EFCAB3: variants seen among roughly 807,000 people sequenced by gnomAD.
EFCAB3 encodes EF-hand calcium-binding domain-containing protein 3.
In EFCAB3, 36 loss-of-function variants were observed where a neutral mutation model predicts 42.2. The ratio of observed to expected loss-of-function variants is 0.85; its 90% CI spans 0.65 to 1.13. EFCAB3 has a LOEUF of 1.13. Among genes scored for constraint, EFCAB3 ranks in the 50% most tolerant of loss-of-function variants. EFCAB3 has a pLI of 0.00. For missense variants in EFCAB3, 418 were observed against 505.1 expected (o/e 0.83, Z 1.65); for synonymous variants, 170 against 172.8 (o/e 0.98, Z 0.13).
At chr17:62,391,560 G>T (rs970137226) in intron 3 of EFCAB3, among the ~76,000 whole-genome samples, 8 of 152,120 alleles carry the variant, frequency 5.3e-5, no homozygotes, top group African/African-American at 1.9e-4. Context: ...CATATTCACT[G>T]GTTAAGGGAT....
At position 62,406,674 on chromosome 17, in the gene EFCAB3, G is replaced by C; in HGVS notation, c.682+1G>C. The C allele has an allele frequency of 6.2e-7, 1 of 1,613,836 alleles. No homozygotes were observed. Among genetic ancestry groups the C allele is most frequent in the Non-Finnish European group, 8.5e-7 (1 of 1,179,818 alleles). On this transcript the variant is annotated splice_donor_variant, in intron 7 of 9. Coordinates refer to ENST00000305286, the MANE Select transcript of EFCAB3 (RefSeq NM_173503.4). LOFTEE classifies it high-confidence loss of function. ...TTTAAATTTCTTGAAGAGCTCAAGA[G>C]TAAGAGCCATTTGTTCTCTCTCTAC...
chr17:62,382,002 G>T, intron 1 of EFCAB3: 1 of 246,338 alleles, frequency 4.1e-6, no homozygotes. Context: ...ATGGGATTTG[G>T]TCTCTTTTAT....
At position 62,391,888 on chromosome 17, in the gene EFCAB3, T is replaced by A. The variant is rs767702832; in HGVS notation, c.218T>A (p.Met73Lys). Reference protein sequence around the residue: ...KTGCIDFHGLMCTVAKLGMNL... With the variant: ...KTGCIDFHGLKCTVAKLGMNL... ...GGCTGTATTGATTTCCATGGACTGA[T>A]GTGCACTGTAGCTAAGCTGGGAATG... The change falls in exon 4 of 10, where the codon ATG (methionine) becomes AAG (lysine). Residue 73 changes from methionine to lysine, a missense_variant. Physicochemically the swap from Met to Lys is moderately conservative, Grantham distance 95. Transcript: ENST00000305286. 6.2e-7 allele frequency: 1 copy of A among 1,613,926 alleles called. No homozygotes were observed. The highest frequency in any genetic ancestry group is 1.1e-5 in the South Asian group (1 of 91,064).
intron 8 of EFCAB3, among the ~76,000 whole-genome samples, chr17:62,412,142 A>C (rs1295866549): frequency 6.6e-6 from 1 of 151,780 alleles, no homozygotes; most frequent in African/African-American, 2.4e-5. Context: ...TTTGGAGGCC[A>C]AGGCAGGCGG....
upstream of EFCAB3, chr17:62,378,019 G>A: frequency 6.5e-7 from 1 of 1,549,146 alleles, no homozygotes. Flanking sequence ...GATATTAAAG[G>A]TGAGTGTGAA....
intron 6 of EFCAB3, among the ~76,000 whole-genome samples, chr17:62,395,417 G>A (rs936923847): frequency 6.6e-6 from 1 of 152,160 alleles, no homozygotes; most frequent in East Asian, 1.9e-4. Context: ...CCACCTAAGG[G>A]CCCCACTGAG....
At chr17:62,380,418 A>ATAC (rs1487546374), upstream of EFCAB3, 2 of 213,016 alleles carry the variant, frequency 9.4e-6, no homozygotes, top group African/African-American at 4.7e-5. Flanking sequence ...ATACCCTCAT[A>ATAC]TACACCAAGG....
intron 5 of EFCAB3, 78 bp from the exon 6 acceptor site, chr17:62,394,990 T>G (rs2070336432): frequency 6.6e-6 from 10 of 1,523,546 alleles, no homozygotes; most frequent in South Asian, 1.2e-5. Flanking sequence ...ATTATTATTG[T>G]AAATAATCAG....
chr17:62,390,896 G>A (rs78479971), intron 3 of EFCAB3, among the ~76,000 whole-genome samples: 3,290 of 152,144 alleles, frequency 0.022, 141 homozygotes, highest in African/African-American at 0.074. Flanking sequence ...GGTTTATTTC[G>A]TCATTCTCTA....
chr17:62,389,042 G>A (rs2070280215), intron 3 of EFCAB3, among the ~76,000 whole-genome samples: 1 of 152,202 alleles, frequency 6.6e-6, no homozygotes, highest in Non-Finnish European at 1.5e-5. Flanking sequence ...AAGCATGTGG[G>A]GCCACAAGAG....
chr17:62,387,546 C>A, intron 3 of EFCAB3, 130 bp downstream of exon 3: 6 of 720,116 alleles, frequency 8.3e-6, no homozygotes, highest in South Asian at 2.1e-5. Context: ...GGAAAAAAAA[C>A]CTTACATTTT....
intron 8 of EFCAB3, among the ~76,000 whole-genome samples, chr17:62,410,829 G>A (rs1598022177): frequency 6.6e-6 from 1 of 152,098 alleles, no homozygotes; most frequent in East Asian, 1.9e-4. Context: ...ATCCCTGGAA[G>A]TAAGCAACTG....
chr17:62,376,126 A>C (rs1218670233), upstream of EFCAB3, among the ~76,000 whole-genome samples: 1 of 152,184 alleles, frequency 6.6e-6, no homozygotes, highest in Admixed American at 6.5e-5. Context: ...AGAAATTTCA[A>C]ATACTGGTTT....
intron 1 of EFCAB3, chr17:62,382,025 C>A: frequency 4.4e-6 from 1 of 228,886 alleles, no homozygotes; most frequent in South Asian, 6.7e-5. Context: ...AATTCCTGCT[C>A]CCCTGCAAAT....
At chr17:62,375,109 G>A (rs552327952) in intron 2 of EFCAB3, among the ~76,000 whole-genome samples, 2 of 152,186 alleles carry the variant, frequency 1.3e-5, no homozygotes, top group African/African-American at 4.8e-5. Flanking sequence ...GTGAGACCTT[G>A]TCTGTAAAAA....
At chr17:62,411,960 G>A (rs1026978381) in intron 8 of EFCAB3, among the ~76,000 whole-genome samples, 6 of 151,990 alleles carry the variant, frequency 3.9e-5, no homozygotes, top group African/African-American at 1.4e-4. Flanking sequence ...GGAACAAAAA[G>A]TAGACTAACA....
At chr17:62,412,869 T>C (rs1159194037) in intron 8 of EFCAB3, among the ~76,000 whole-genome samples, 1 of 152,100 alleles carries the variant, frequency 6.6e-6, no homozygotes, top group Non-Finnish European at 1.5e-5. Context: ...TGGAGAATTT[T>C]AACTTAAGGA....
At chr17:62,402,364 T>C (rs2070411382) in intron 6 of EFCAB3, among the ~76,000 whole-genome samples, 1 of 152,196 alleles carries the variant, frequency 6.6e-6, no homozygotes, top group African/African-American at 2.4e-5. Context: ...CCCTGTCTTG[T>C]GCCAGTTTTC....
chr17:62,380,304 A>T (rs1018266304), upstream of EFCAB3, among the ~76,000 whole-genome samples: 2 of 152,250 alleles, frequency 1.3e-5, no homozygotes, highest in African/African-American at 4.8e-5. Flanking sequence ...ACCCAGCCTG[A>T]TGAAGACATT....
Sources: gnomAD v4.1 joint callset for allele counts (sites outside exome capture counted in the v4.1 genomes callset) on GRCh38, gnomAD v4.1.1 for gene constraint, MANE v1.5 for transcripts, NCBI Gene and HGNC (gene_info 2026-07-23, HGNC 2026-07-21) for gene names.